The following WNT3A variants were observed in gnomAD, a reference collection of about 807,000 sequenced individuals.
WNT3A encodes the protein protein Wnt-3a.
In WNT3A, 17 loss-of-function variants were observed where a neutral mutation model predicts 37.0. The observed-to-expected ratio is 0.46, with a 90% CI of 0.31 to 0.69. The LOEUF (loss-of-function observed/expected upper bound fraction) is 0.69. WNT3A is among the 30% of genes least tolerant of loss of function. The pLI, the probability that WNT3A is intolerant of heterozygous loss-of-function variation, is 0.05. For synonymous variants in WNT3A, 187 were observed against 211.0 expected (o/e 0.89, Z 0.99); for missense variants, 411 against 510.2 (o/e 0.81, Z 1.87).
rs773485951 is a variant in WNT3A at position 228,007,163 on chromosome 1, G to A, written c.35G>A (p.Ser12Asn). Reference protein sequence around the residue: ...APLGYFLLLCSLKQALGSYPI... With the variant: ...APLGYFLLLCNLKQALGSYPI... ...CTCGGATACTTCTTACTCCTCTGCAGCCTGAAGCAGGCTCTGGGCAGCTAC... is the reference window on the plus strand; with the variant it reads ...CTCGGATACTTCTTACTCCTCTGCAACCTGAAGCAGGCTCTGGGCAGCTAC... The change falls in exon 1 of 4, where the codon AGC becomes AAC. Residue 12 changes from serine to asparagine, a missense_variant. Ser to Asn is a conservative substitution (Grantham distance 46). Coordinates refer to ENST00000284523, the MANE Select transcript of WNT3A (RefSeq NM_033131.4). This position sits in a 1 kb window ranked among gnomAD's most constrained non-coding sequence, Gnocchi z 6.0. The A allele has an allele frequency of 3.7e-6, 6 of 1,604,850 alleles. No individual in the cohort carries two copies. The South Asian group carries it at 6.7e-5, about 18-fold the overall frequency.
rs2031762008 is a variant in WNT3A at position 228,059,815 on chromosome 1, G to A, written c.*350G>A. On this transcript the variant is annotated 3_prime_UTR_variant, in exon 4 of 4. Coordinates refer to ENST00000284523, the MANE Select transcript of WNT3A (RefSeq NM_033131.4). ...GGGTGGGACAGGGCTTCTCCTGCGG[G>A]GGCGAGGCCCCTCCCAGTAAGGGCG... 19 of 1,094,482 alleles carry A rather than the reference G, an allele frequency of 1.7e-5. No homozygotes were observed. The highest frequency in any genetic ancestry group is 2.1e-5 in the Non-Finnish European group (19 of 899,478). 67.8% of individuals were successfully genotyped at this position (1,094,482 alleles called of 1,614,324 possible).
intron 2 of WNT3A, among the ~76,000 whole-genome samples, chr1:228,043,503 A>G (rs547698856): frequency 7.2e-5 from 11 of 152,266 alleles, no homozygotes; most frequent in African/African-American, 2.4e-4. Flanking sequence ...GATGGCTGGC[A>G]CTTCCCACGG....
chr1:228,029,288 C>A (rs896357473), intron 2 of WNT3A, among the ~76,000 whole-genome samples: 6 of 152,152 alleles, frequency 3.9e-5, no homozygotes, highest in African/African-American at 1.4e-4. Flanking sequence ...GGGTAGAGGA[C>A]ACAGATCCCA....
At chr1:228,023,899 A>G (rs992644088) in intron 2 of WNT3A, among the ~76,000 whole-genome samples, 2 of 152,232 alleles carry the variant, frequency 1.3e-5, no homozygotes, top group Non-Finnish European at 2.9e-5. Flanking sequence ...TGCCTGTTTA[A>G]GAAACGGCAT....
At chr1:228,055,202 A>G (rs1322460381) in intron 3 of WNT3A, among the ~76,000 whole-genome samples, 3 of 89,576 alleles carry the variant, frequency 3.3e-5, no homozygotes, top group African/African-American at 1.0e-4. Flanking sequence ...ATATATATAT[A>G]TATATATATA....
intron 1 of WNT3A, among the ~76,000 whole-genome samples, chr1:228,010,149 A>G (rs958029756): frequency 2.0e-5 from 3 of 152,230 alleles, no homozygotes; most frequent in Admixed American, 6.5e-5. Context: ...AAGAGCCCAC[A>G]TGGACAGAGG....
rs942993601 is a variant in WNT3A, at chr1:228,038,012, C to T, written c.314-12644C>T. 1.3e-5 allele frequency among the ~76,000 whole-genome samples: 2 copies of T among 152,140 alleles called. No homozygotes were observed. The highest frequency in any genetic ancestry group is 2.9e-5 in the Non-Finnish European group (2 of 68,012). ...GCCGGCCATTGTGGGCCTAACTCGG[C>T]GTGACAGTGGCGCACAAAGCCGGAT... On this transcript the variant is annotated intron_variant, in intron 2 of 3. Coordinates refer to ENST00000284523, the MANE Select transcript of WNT3A (RefSeq NM_033131.4). This position sits in a 1 kb window ranked among gnomAD's most constrained non-coding sequence, Gnocchi z 5.7.
chr1:228,007,752 G>A lies in WNT3A; in HGVS notation c.71+553G>A, dbSNP rs1049703843. Among the ~76,000 whole-genome samples, 2 of 152,028 alleles carry A rather than the reference G, an allele frequency of 1.3e-5. No individual in the cohort carries two copies. Among genetic ancestry groups the A allele is most frequent in the Non-Finnish European group, 2.9e-5 (2 of 67,980 alleles). ...AGAGCCGGCGGCGGGGCGCACTGGGGGCCGGCCCTGGGCCCCGCGCGCCTC... is the reference window on the plus strand; with the variant it reads ...AGAGCCGGCGGCGGGGCGCACTGGGAGCCGGCCCTGGGCCCCGCGCGCCTC... On this transcript the variant is annotated intron_variant, in intron 1 of 3. Coordinates refer to ENST00000284523, the MANE Select transcript of WNT3A (RefSeq NM_033131.4). The surrounding 1 kb of genome is among the most constrained non-coding windows in gnomAD (Gnocchi z 6.0).
chr1:228,041,910 G>A (rs1179757888), intron 2 of WNT3A, among the ~76,000 whole-genome samples: 2 of 152,174 alleles, frequency 1.3e-5, no homozygotes, highest in Non-Finnish European at 2.9e-5. Flanking sequence ...ACCAGGACAG[G>A]AACTCCTTCA....
chr1:228,017,944 G>A (rs2030579076), intron 1 of WNT3A, among the ~76,000 whole-genome samples: 1 of 152,212 alleles, frequency 6.6e-6, no homozygotes, highest in Non-Finnish European at 1.5e-5. Context: ...AGTGCTGCAA[G>A]ACCCTATCTC....
rs2030994963 is a variant in WNT3A, at chr1:228,031,226, G to T, written c.313+8318G>T. On this transcript the variant is annotated intron_variant, in intron 2 of 3. Coordinates refer to ENST00000284523, the MANE Select transcript of WNT3A (RefSeq NM_033131.4). The surrounding 1 kb of genome is among the most constrained non-coding windows in gnomAD (Gnocchi z 4.8). ...TGGGATGAGGAGGACGTCCCTGAAGGACAAGTCAGGGTCCCTGTAGGAGAA... is the reference window on the plus strand; with the variant it reads ...TGGGATGAGGAGGACGTCCCTGAAGTACAAGTCAGGGTCCCTGTAGGAGAA... 6.6e-6 allele frequency among the ~76,000 whole-genome samples: 1 copy of T among 152,258 alleles called. No individual in the cohort carries two copies. The highest frequency in any genetic ancestry group is 2.4e-5 in the African/African-American group (1 of 41,480).
intron 3 of WNT3A, among the ~76,000 whole-genome samples, chr1:228,057,072 A>C (rs776757796): frequency 3.9e-5 from 6 of 152,254 alleles, no homozygotes; most frequent in Non-Finnish European, 4.4e-5. Flanking sequence ...CTTGAAGAGA[A>C]TATGTAGATA....
chr1:228,018,735 G>T (rs995494188), intron 1 of WNT3A, among the ~76,000 whole-genome samples: 13 of 152,098 alleles, frequency 8.5e-5, no homozygotes, highest in African/African-American at 2.9e-4. Flanking sequence ...ATCCTTCAAG[G>T]CCCAGCCAAA....
chr1:228,023,304 CAG>C (rs781343022), intron 2 of WNT3A, among the ~76,000 whole-genome samples: 3 of 151,502 alleles, frequency 2.0e-5, no homozygotes, highest in African/African-American at 7.3e-5. Flanking sequence ...CAGAGAGAGA[CAG>C]AGAGAGAGAA....
chr1:228,035,551 A>G (rs2031116280), intron 2 of WNT3A, among the ~76,000 whole-genome samples: 1 of 152,224 alleles, frequency 6.6e-6, no homozygotes. Context: ...ACTCCAGAGG[A>G]TACCCGGTCC....
At position 228,059,712 on chromosome 1, in the gene WNT3A, G is replaced by A; in HGVS notation, c.*247G>A. The A allele has an allele frequency of 7.5e-7, 1 of 1,329,816 alleles. No homozygotes were observed. Among genetic ancestry groups the A allele is most frequent in the Non-Finnish European group, 9.6e-7 (1 of 1,046,342 alleles). The allele number at this position is 1,329,816 out of a possible 1,614,324, so 82.4% of individuals were successfully genotyped here. A position where few individuals can be genotyped will look rare whatever the true frequency, so the allele number is the denominator to read the frequency against. Reference sequence around the variant, plus strand: ...GAGGCGGAGCTCCAGGATGGGGAGGGGCTCTGCGTTGGCTTCTCCCTGGGG... The same window carrying A: ...GAGGCGGAGCTCCAGGATGGGGAGGAGCTCTGCGTTGGCTTCTCCCTGGGG... On this transcript the variant is annotated 3_prime_UTR_variant, in exon 4 of 4. Coordinates refer to ENST00000284523, the MANE Select transcript of WNT3A (RefSeq NM_033131.4).
intron 2 of WNT3A, among the ~76,000 whole-genome samples, chr1:228,041,541 A>G (rs1248303893): frequency 6.6e-6 from 1 of 151,644 alleles, no homozygotes; most frequent in Non-Finnish European, 1.5e-5. Flanking sequence ...CCATCCATCC[A>G]TCCATCCATC....
intron 2 of WNT3A, among the ~76,000 whole-genome samples, chr1:228,033,727 A>T (rs369678540): frequency 1.3e-5 from 2 of 152,310 alleles, no homozygotes; most frequent in African/African-American, 4.8e-5. Context: ...AATTGTGTTG[A>T]ATGTGTAGAT....
chr1:228,046,993 G>C (rs72756204), intron 2 of WNT3A, among the ~76,000 whole-genome samples: 12,037 of 152,232 alleles, frequency 0.079, 549 homozygotes, highest in South Asian at 0.11. Flanking sequence ...ATGGCGAGGT[G>C]GGAGATGGAC....
Sources: allele counts gnomAD v4.1 joint callset (sites outside exome capture counted in the v4.1 genomes callset), GRCh38; gene constraint gnomAD v4.1.1; non-coding constraint Gnocchi (gnomAD v3.1); transcripts MANE v1.5; gene names NCBI Gene and HGNC (gene_info 2026-07-23, HGNC 2026-07-21).